The following ADGRB3 variants were observed in gnomAD, a reference collection of about 807,000 sequenced individuals.
ADGRB3 encodes brain-specific angiogenesis inhibitor 3.
In ADGRB3, 37 loss-of-function variants were observed where a neutral mutation model predicts 193.4. The observed-to-expected ratio is 0.19, with a 90% CI of 0.15 to 0.25. ADGRB3 has a LOEUF of 0.25. Among genes scored for constraint, ADGRB3 ranks in the 10% least tolerant of loss-of-function variants. The pLI is 1.00. For synonymous variants in ADGRB3, 690 were observed against 644.2 expected (o/e 1.07, Z -1.08); for missense variants, 1,637 against 1,852.9 (o/e 0.88, Z 2.14).
intron 20 of ADGRB3, among the ~76,000 whole-genome samples, chr6:69,283,200 A>G (rs1268100697): frequency 6.6e-6 from 1 of 152,182 alleles, no homozygotes; most frequent in Non-Finnish European, 1.5e-5. Context: ...ATATTAAAAG[A>G]TATTTGTTTT....
chr6:69,347,577 G>C (rs575595904), intron 26 of ADGRB3, among the ~76,000 whole-genome samples: 1 of 151,990 alleles, frequency 6.6e-6, no homozygotes, highest in South Asian at 2.1e-4. Context: ...TGGACTTTTA[G>C]ACCAGCCTGG....
intron 17 of ADGRB3, among the ~76,000 whole-genome samples, chr6:69,210,385 G>C (rs1190749685): frequency 6.6e-6 from 1 of 151,634 alleles, no homozygotes; most frequent in African/African-American, 2.4e-5. Flanking sequence ...TCATATTCTA[G>C]CTGTCATGGC....
At position 68,814,668 on chromosome 6, in the gene ADGRB3, G is replaced by A. The variant is rs191327189; in HGVS notation, c.758-115891G>A. ...AGCAACATTCTGATACCAAAGCCTG[G>A]CAGAGACACAACAAAACAAGAGAAT... On this transcript the variant is annotated intron_variant, in intron 3 of 31. Transcript: ENST00000370598. 1.9e-3 allele frequency among the ~76,000 whole-genome samples: 296 copies of A among 152,206 alleles called. 2 individuals carry two copies. Among genetic ancestry groups the A allele is most frequent in the Non-Finnish European group, 2.0e-3 (138 of 68,016 alleles).
At chr6:68,983,340 T>C (rs1251667223) in intron 10 of ADGRB3, among the ~76,000 whole-genome samples, 2 of 151,748 alleles carry the variant, frequency 1.3e-5, no homozygotes, top group Non-Finnish European at 2.9e-5. Context: ...GAGTCAGTTT[T>C]AGGCATTGAA....
intron 20 of ADGRB3, among the ~76,000 whole-genome samples, chr6:69,287,210 C>A (rs965403706): frequency 6.6e-6 from 1 of 152,022 alleles, no homozygotes; most frequent in Non-Finnish European, 1.5e-5. Flanking sequence ...AAGTTTATGC[C>A]ACTTGTGTTC....
At chr6:69,316,833 A>G (rs1768322838) in intron 20 of ADGRB3, among the ~76,000 whole-genome samples, 1 of 151,544 alleles carries the variant, frequency 6.6e-6, no homozygotes, top group African/African-American at 2.4e-5. Context: ...GAATAAACCA[A>G]TGAGAACCAG....
At chr6:68,992,045 A>C (rs1220836393) in intron 10 of ADGRB3, among the ~76,000 whole-genome samples, 2 of 152,144 alleles carry the variant, frequency 1.3e-5, no homozygotes, top group Non-Finnish European at 2.9e-5. Context: ...AAGACTGTGA[A>C]TAAGGCAGGG....
intron 17 of ADGRB3, among the ~76,000 whole-genome samples, chr6:69,184,354 A>G (rs1289313283): frequency 6.6e-6 from 1 of 152,242 alleles, no homozygotes; most frequent in Non-Finnish European, 1.5e-5. Context: ...ATGCAAGTGC[A>G]GTTTTTCTTC....
At chr6:68,888,716 T>A (rs1480591542) in intron 3 of ADGRB3, among the ~76,000 whole-genome samples, 1 of 152,070 alleles carries the variant, frequency 6.6e-6, no homozygotes, top group Admixed American at 6.5e-5. Context: ...TGGAGGCTTA[T>A]TATATAGGGT....
intron 20 of ADGRB3, among the ~76,000 whole-genome samples, chr6:69,288,292 G>A (rs1202550668): frequency 6.6e-6 from 1 of 152,146 alleles, no homozygotes; most frequent in Non-Finnish European, 1.5e-5. Context: ...GTGAGAACAT[G>A]CGGTGTTTGG....
At chr6:68,885,560 C>T (rs562245342) in intron 3 of ADGRB3, among the ~76,000 whole-genome samples, 1 of 152,098 alleles carries the variant, frequency 6.6e-6, no homozygotes, top group South Asian at 2.1e-4. Flanking sequence ...AGTAAAATGG[C>T]GAGGCACAGA....
intron 26 of ADGRB3, among the ~76,000 whole-genome samples, chr6:69,353,217 A>G (rs375309983): frequency 2.4e-4 from 37 of 152,362 alleles, no homozygotes; most frequent in African/African-American, 8.4e-4. Flanking sequence ...TTGTTTTTTA[A>G]CAAAAGAATT....
At chr6:69,200,245 C>A (rs1162681804) in intron 17 of ADGRB3, among the ~76,000 whole-genome samples, 1 of 151,844 alleles carries the variant, frequency 6.6e-6, no homozygotes, top group Non-Finnish European at 1.5e-5. Flanking sequence ...TACAGGGTTA[C>A]CTGCATTTCA....
intron 20 of ADGRB3, among the ~76,000 whole-genome samples, chr6:69,263,061 TG>T (rs1203755578): frequency 5.3e-5 from 8 of 151,970 alleles, no homozygotes; most frequent in Admixed American, 2.0e-4. Context: ...AGGTCAAAAT[TG>T]AGGTTACCTG....
At chr6:69,085,834 A>G (rs1255079690) in intron 17 of ADGRB3, among the ~76,000 whole-genome samples, 1 of 151,764 alleles carries the variant, frequency 6.6e-6, no homozygotes, top group African/African-American at 2.4e-5. Context: ...TAATTATTTA[A>G]AATATAGATT....
At chr6:69,006,008 A>G (rs544515960) in intron 11 of ADGRB3, among the ~76,000 whole-genome samples, 44 of 152,260 alleles carry the variant, frequency 2.9e-4, no homozygotes, top group African/African-American at 9.9e-4. Flanking sequence ...GGTCTCAACC[A>G]TGGTATTGGG....
At chr6:68,882,688 G>C (rs534042129) in intron 3 of ADGRB3, among the ~76,000 whole-genome samples, 2 of 152,102 alleles carry the variant, frequency 1.3e-5, no homozygotes, top group East Asian at 3.9e-4. Context: ...AATCATAACT[G>C]ATACCAATTA....
chr6:69,146,652 G>C (rs1774505549), intron 17 of ADGRB3, among the ~76,000 whole-genome samples: 1 of 152,196 alleles, frequency 6.6e-6, no homozygotes, highest in Non-Finnish European at 1.5e-5. Context: ...CACGGCCCTG[G>C]CTATGCCTCC....
intron 3 of ADGRB3, among the ~76,000 whole-genome samples, chr6:68,653,250 G>C (rs1168824437): frequency 1.3e-5 from 2 of 152,156 alleles, no homozygotes; most frequent in African/African-American, 4.8e-5. Context: ...TGAGGCATGA[G>C]CAAGGAATAA....
Sources: gnomAD v4.1 joint callset for allele counts (sites outside exome capture counted in the v4.1 genomes callset) on GRCh38, gnomAD v4.1.1 for gene constraint, MANE v1.5 for transcripts, NCBI Gene and HGNC (gene_info 2026-07-23, HGNC 2026-07-21) for gene names.